Variants in DMD observed in about 807,000 individuals in gnomAD.
DMD encodes the protein mutant dystrophin.
Under a neutral mutation model 330.1 loss-of-function variants are expected in DMD, and 63 were observed. The observed-to-expected ratio is 0.19, with a 90% CI of 0.16 to 0.24. The LOEUF is 0.24. DMD is among the 10% of genes least tolerant of loss of function. The probability of loss-of-function intolerance (pLI) is 1.00; values close to 1 mark genes in which losing one functional copy is unlikely to be tolerated. For missense variants in DMD, 3,344 were observed against 2,684.1 expected, an observed-to-expected ratio of 1.25 and a Z score of -5.43; for synonymous variants, 1,223 against 959.8, an observed-to-expected ratio of 1.27 and a Z score of -5.07.
intron 61 of DMD, among the ~76,000 whole-genome samples, chrX:31,345,724 TATC>T (rs770986895): frequency 9.0e-6 from 1 of 111,691 alleles, no homozygotes; most frequent in African/African-American, 3.3e-5. Flanking sequence ...CTGTAGCCTT[TATC>T]ATTTTTCTAG....
intron 43 of DMD, among the ~76,000 whole-genome samples, chrX:32,229,727 A>G (rs867422816): frequency 2.0e-5 from 1 of 49,561 alleles, no homozygotes; most frequent in South Asian, 1.1e-3. Flanking sequence ...TATATATATA[A>G]AATCAAAGAG....
intron 62 of DMD, among the ~76,000 whole-genome samples, chrX:31,298,262 A>G (rs761516996): frequency 2.7e-5 from 3 of 111,985 alleles, no homozygotes; most frequent in Non-Finnish European, 3.8e-5. Flanking sequence ...TTTCATAATT[A>G]CCTACTACTG....
chrX:32,120,022 G>T (rs1336975377), intron 44 of DMD, among the ~76,000 whole-genome samples: 2 of 112,090 alleles, frequency 1.8e-5, no homozygotes, highest in Non-Finnish European at 3.8e-5. Context: ...ATATTGCACA[G>T]TTCCTACCTA....
chrX:32,516,187 A>C (rs2045845352), intron 18 of DMD, among the ~76,000 whole-genome samples: 1 of 112,089 alleles, frequency 8.9e-6, no homozygotes, highest in African/African-American at 3.2e-5. Context: ...TGATGTAGTA[A>C]GAAAATTAAT....
intron 2 of DMD, among the ~76,000 whole-genome samples, chrX:32,991,146 T>C (rs1354182155): frequency 2.7e-5 from 3 of 111,435 alleles, no homozygotes; most frequent in Non-Finnish European, 5.7e-5. Context: ...AAATTATATA[T>C]ATTATCTAAA....
intron 52 of DMD, among the ~76,000 whole-genome samples, chrX:31,697,848 G>C (rs894780756): frequency 2.7e-5 from 3 of 111,959 alleles, no homozygotes; most frequent in African/African-American, 9.7e-5. Flanking sequence ...TTGACTAGCA[G>C]TTAGTCTTGG....
chrX:33,201,269 G>T (rs2051254406), intron 1 of DMD, among the ~76,000 whole-genome samples: 1 of 110,343 alleles, frequency 9.1e-6, no homozygotes. Context: ...AAATTATTGG[G>T]GAGTATTTCT....
intron 3 of DMD, among the ~76,000 whole-genome samples, chrX:32,848,871 C>T (rs2149008918): frequency 9.1e-6 from 1 of 110,391 alleles, no homozygotes; most frequent in Non-Finnish European, 1.9e-5. Flanking sequence ...CAATATATAC[C>T]GAGAAAAGAG....
At chrX:32,984,545 G>A (rs904107126) in intron 2 of DMD, among the ~76,000 whole-genome samples, 29 of 111,862 alleles carry the variant, frequency 2.6e-4, no homozygotes, top group Non-Finnish European at 4.1e-4. Context: ...GTGAGCCACC[G>A]TGCCCGGCCC....
chrX:31,884,825 A>G (rs972990686), intron 47 of DMD, among the ~76,000 whole-genome samples: 8 of 111,801 alleles, frequency 7.2e-5, no homozygotes, highest in African/African-American at 2.6e-4. Context: ...ATAGATTTTC[A>G]TATTTGTGAA....
chrX:32,384,248 G>T (rs1453222729), intron 33 of DMD, among the ~76,000 whole-genome samples: 1 of 110,113 alleles, frequency 9.1e-6, no homozygotes, highest in East Asian at 2.9e-4. Flanking sequence ...TGTTAAATAT[G>T]AAATAATTGG....
At chrX:33,293,684 A>G (rs965903622) in intron 1 of DMD, among the ~76,000 whole-genome samples, 4 of 111,426 alleles carry the variant, frequency 3.6e-5, no homozygotes, top group Non-Finnish European at 5.7e-5. Flanking sequence ...TAGGCTAAAC[A>G]TATAAAAGGA....
In DMD at chrX:32,431,111, AT is replaced by A. The variant is rs761223884; in HGVS notation, c.4071+7129del. Among the ~76,000 whole-genome samples the A allele has an allele frequency of 1.9e-3, 212 of 110,814 alleles. 1 individual carries two copies. Among genetic ancestry groups the A allele is most frequent in the Non-Finnish European group, 1.4e-3 (74 of 52,829 alleles). On this transcript the variant is annotated intron_variant, in intron 29 of 78. Transcript: ENST00000357033. ...AATTGCTGGATCATATAGTAATTCT[AT>A]TTTTAATTTTTTTTTTGAGGAATCT...
chrX:31,994,727 T>C (rs958373258), intron 44 of DMD, among the ~76,000 whole-genome samples: 10 of 111,743 alleles, frequency 8.9e-5, no homozygotes, highest in African/African-American at 2.9e-4. Flanking sequence ...CCTTTGGAAA[T>C]GGTTTTATTC....
In DMD at chrX:33,327,336, AAGAG is replaced by A. The variant is rs747399306; in HGVS notation, c.7+11919_7+11922del. On this transcript the variant is annotated intron_variant, in intron 1 of 17. Coordinates refer to the DMD transcript ENST00000288447. Reference sequence around the variant, plus strand: ...TGGAATGCTTCTCCAATGAACAAGAAAGAGAAAGAAATATTTGGAACTAAAATAT... The same window carrying A: ...TGGAATGCTTCTCCAATGAACAAGAAAAAGAAATATTTGGAACTAAAATAT... Among the ~76,000 whole-genome samples the A allele has an allele frequency of 2.6e-4, 29 of 111,929 alleles. No homozygotes were observed. The South Asian group carries it at 0.01, about 40-fold the overall frequency.
At chrX:31,618,076 G>A (rs1454095501) in intron 55 of DMD, among the ~76,000 whole-genome samples, 1 of 110,922 alleles carries the variant, frequency 9.0e-6, no homozygotes, top group Non-Finnish European at 1.9e-5. Flanking sequence ...CTACTCTAGG[G>A]TGGAGGGTGG....
At chrX:31,764,958 G>A (rs1486804345) in intron 51 of DMD, among the ~76,000 whole-genome samples, 1 of 110,438 alleles carries the variant, frequency 9.1e-6, no homozygotes, top group Non-Finnish European at 1.9e-5. Flanking sequence ...TTTATAAATC[G>A]AATAAGAAAT....
At chrX:32,403,944 G>A (rs1350950372) in intron 30 of DMD, among the ~76,000 whole-genome samples, 2 of 111,638 alleles carry the variant, frequency 1.8e-5, no homozygotes, top group Non-Finnish European at 3.8e-5. Flanking sequence ...AAGTTACACT[G>A]TTCCAAGTCG....
chrX:31,190,610 GGAGGGGGA>G (rs1292812443), intron 67 of DMD, among the ~76,000 whole-genome samples: 20 of 14,695 alleles, frequency 1.4e-3, no homozygotes, highest in African/African-American at 2.5e-3. Flanking sequence ...GGGGGGGGGG[GGAGGGGGA>G]GGGCGGGGAG....
Sources: allele counts gnomAD v4.1 joint callset (sites outside exome capture counted in the v4.1 genomes callset), GRCh38; gene constraint gnomAD v4.1.1; transcripts MANE v1.5; gene names NCBI Gene and HGNC (gene_info 2026-07-23, HGNC 2026-07-21).